Variants in CUX1 observed in about 807,000 individuals in gnomAD.
CUX1 encodes cut like homeobox 1.
CUX1 carries 31 observed loss-of-function variants against 158.8 expected under a neutral mutation model. The ratio of observed to expected loss-of-function variants is 0.20; its 90% CI spans 0.15 to 0.26. The LOEUF (loss-of-function observed/expected upper bound fraction) is 0.26. CUX1 is among the 10% of genes least tolerant of loss of function. The probability of loss-of-function intolerance (pLI) is 1.00; values close to 1 mark genes in which losing one functional copy is unlikely to be tolerated. For missense variants in CUX1, 1,589 were observed against 2,014.6 expected (o/e 0.79, Z 4.04); for synonymous variants, 879 against 862.1 (o/e 1.02, Z -0.34).
At chr7:102,048,298 C>G (rs1410526239) in intron 3 of CUX1, among the ~76,000 whole-genome samples, 1 of 152,188 alleles carries the variant, frequency 6.6e-6, no homozygotes, top group Non-Finnish European at 1.5e-5. Context: ...CCTCGTGCCA[C>G]TGTATTCCCA....
intron 1 of CUX1, among the ~76,000 whole-genome samples, chr7:101,905,733 G>A (rs1031748785): frequency 1.3e-5 from 2 of 152,210 alleles, no homozygotes; most frequent in Admixed American, 6.5e-5. Flanking sequence ...GGAAGGCATT[G>A]CCAGCTGCCC....
At chr7:101,948,879 G>A (rs573923063) in intron 2 of CUX1, among the ~76,000 whole-genome samples, 465 of 152,320 alleles carry the variant, frequency 3.1e-3, no homozygotes, top group Non-Finnish European at 5.7e-3. Flanking sequence ...GAGGCACCAT[G>A]CCAGGCCACT....
intron 1 of CUX1, chr7:101,818,995 T>C (rs1302912340): frequency 6.6e-6 from 1 of 152,268 alleles, no homozygotes; most frequent in Non-Finnish European, 1.5e-5. Context: ...GTTGGGCCGT[T>C]CCGCAGTTCT....
chr7:102,124,168 A>C (rs782725422), intron 8 of CUX1, among the ~76,000 whole-genome samples: 14 of 152,196 alleles, frequency 9.2e-5, no homozygotes, highest in Non-Finnish European at 1.3e-4. Context: ...TTGAGTGAAT[A>C]CAGTGTATAG....
At chr7:101,872,020 CA>C (rs957631886) in intron 1 of CUX1, among the ~76,000 whole-genome samples, 77 of 141,976 alleles carry the variant, frequency 5.4e-4, no homozygotes, top group Admixed American at 6.9e-4. Context: ...TCCATCCCCC[CA>C]AAAAAAAAAA....
At chr7:101,884,576 G>A (rs1800033854) in intron 1 of CUX1, among the ~76,000 whole-genome samples, 1 of 152,176 alleles carries the variant, frequency 6.6e-6, no homozygotes, top group African/African-American at 2.4e-5. Context: ...GAGTGCCTGG[G>A]AAAGCAGGCT....
At chr7:102,203,377 C>G (rs1795646315) in intron 18 of CUX1, among the ~76,000 whole-genome samples, 1 of 152,054 alleles carries the variant, frequency 6.6e-6, no homozygotes, top group African/African-American at 2.4e-5. Context: ...TGCATGGCGC[C>G]GTCCCCGCAC....
At chr7:102,200,530 G>A (rs991816790) in intron 17 of CUX1, among the ~76,000 whole-genome samples, 1 of 151,980 alleles carries the variant, frequency 6.6e-6, no homozygotes, top group Non-Finnish European at 1.5e-5. Context: ...TAGTAGAGAC[G>A]GGGTTTTACC....
At chr7:102,033,576 A>C (rs182290526) in intron 3 of CUX1, among the ~76,000 whole-genome samples, 2 of 152,354 alleles carry the variant, frequency 1.3e-5, no homozygotes, top group Admixed American at 6.5e-5. Flanking sequence ...ATAAATACTG[A>C]AGTCGAAAAA....
At chr7:101,873,023 C>T (rs1798739836) in intron 1 of CUX1, among the ~76,000 whole-genome samples, 1 of 151,930 alleles carries the variant, frequency 6.6e-6, no homozygotes, top group South Asian at 2.1e-4. Flanking sequence ...CAGGCATGCA[C>T]TGTCATGGCC....
intron 17 of CUX1, among the ~76,000 whole-genome samples, chr7:102,276,137 T>C (rs1408528746): frequency 6.6e-6 from 1 of 152,230 alleles, no homozygotes; most frequent in Non-Finnish European, 1.5e-5. Context: ...TGGCGGATAA[T>C]TCTGCTGTGA....
chr7:101,939,058 CATAT>C (rs58303224), intron 2 of CUX1, among the ~76,000 whole-genome samples: 122 of 52,590 alleles, frequency 2.3e-3, no homozygotes, highest in East Asian at 8.6e-3. Context: ...AAAAAAAATA[CATAT>C]ATATATATAT....
At chr7:101,937,495 A>C (rs879451859) in intron 2 of CUX1, among the ~76,000 whole-genome samples, 3 of 151,912 alleles carry the variant, frequency 2.0e-5, no homozygotes, top group Non-Finnish European at 4.4e-5. Flanking sequence ...AAAAGGGATA[A>C]ATCAAAATCA....
At chr7:102,143,765 ACTT>A (rs1242362123) in intron 8 of CUX1, among the ~76,000 whole-genome samples, 28 of 152,194 alleles carry the variant, frequency 1.8e-4, no homozygotes, top group East Asian at 9.7e-4. Context: ...CAGGACGGCC[ACTT>A]CTTCTTTTGT....
intron 20 of CUX1, among the ~76,000 whole-genome samples, chr7:102,218,878 C>T (rs1797504380): frequency 6.6e-6 from 1 of 151,188 alleles, no homozygotes. Flanking sequence ...CATAGTGAGG[C>T]CCCCCATCTC....
chr7:102,154,381 G>T (rs1171708792), intron 8 of CUX1: 1 of 152,110 alleles, frequency 6.6e-6, no homozygotes, highest in Non-Finnish European at 1.5e-5. Context: ...AGGCTGAGGT[G>T]GGAGGATCGC....
intron 2 of CUX1, among the ~76,000 whole-genome samples, chr7:101,994,064 C>T (rs1192893472): frequency 6.6e-6 from 1 of 152,164 alleles, no homozygotes; most frequent in Non-Finnish European, 1.5e-5. Flanking sequence ...GCCACAGTGC[C>T]CAGTGGGCCA....
chr7:102,043,697 G>T (rs950996920), intron 3 of CUX1, among the ~76,000 whole-genome samples: 6 of 152,122 alleles, frequency 3.9e-5, no homozygotes, highest in African/African-American at 1.2e-4. Flanking sequence ...ACATGAGTGT[G>T]CAGATAACTC....
At chr7:102,141,789 A>ATTTTTTTTTTTTTT (rs71123009) in intron 8 of CUX1, among the ~76,000 whole-genome samples, 92 of 102,552 alleles carry the variant, frequency 9.0e-4, no homozygotes, top group East Asian at 1.3e-3. Context: ...CTCTCAGCTA[A>ATTTTTTTTTTTTTT]TTTTTTTTTT....
Sources: gnomAD v4.1 joint callset for allele counts (sites outside exome capture counted in the v4.1 genomes callset) on GRCh38, gnomAD v4.1.1 for gene constraint, MANE v1.5 for transcripts, NCBI Gene and HGNC (gene_info 2026-07-23, HGNC 2026-07-21) for gene names.